The following CLASP2 variants were observed in gnomAD, a reference collection of about 807,000 sequenced individuals.
CLASP2 encodes CLIP-associating protein 2.
A neutral mutation model predicts 194.4 loss-of-function variants in CLASP2; 47 were observed. The observed-to-expected ratio is 0.24, with a 90% CI of 0.19 to 0.31. The LOEUF (loss-of-function observed/expected upper bound fraction) is 0.31, where lower values mean the gene tolerates loss of function less well. Ranked by LOEUF, CLASP2 falls within the 10% of genes least tolerant of loss-of-function variation. The pLI, the probability that CLASP2 is intolerant of heterozygous loss-of-function variation, is 1.00. For synonymous variants in CLASP2, 619 were observed against 633.5 expected (o/e 0.98, Z 0.34); for missense variants, 1,445 against 1,823.6 (o/e 0.79, Z 3.78).
At chr3:33,714,157 C>T (rs1036620347) in intron 1 of CLASP2, among the ~76,000 whole-genome samples, 12 of 152,142 alleles carry the variant, frequency 7.9e-5, no homozygotes, top group African/African-American at 2.9e-4. Context: ...GTGCCTGGTA[C>T]TCACTAAGGA....
chr3:33,562,519 GA>G (rs745593111), intron 27 of CLASP2, among the ~76,000 whole-genome samples: 11 of 152,160 alleles, frequency 7.2e-5, no homozygotes, highest in Non-Finnish European at 1.5e-4. Flanking sequence ...AAATATTCAG[GA>G]ATCTTGTGAA....
At position 33,603,006 on chromosome 3, in the gene CLASP2, G is replaced by T. The variant is rs765812212; in HGVS notation, c.1870C>A (p.Arg624=). The T allele has an allele frequency of 6.2e-7, 1 of 1,610,184 alleles. No individual in the cohort carries two copies. The highest frequency in any genetic ancestry group is 2.2e-5 in the East Asian group (1 of 44,782). The change falls in exon 18 of 39, where the codon CGA becomes AGA. Residue 624 remains arginine (R), a synonymous_variant. Coordinates refer to ENST00000682230, the MANE Select transcript of CLASP2 (RefSeq NM_001365631.1). ...KAHHAAGQSV[R]SGRLGAGALN... The stretch of plus-strand genomic sequence containing the variant: ...GCACCTGCACCTAAGCGCCCGCTTC[G>T]CACAGACTGTCCAGCAGCATGATGT...
At chr3:33,635,051 G>C (rs1001371963) in intron 8 of CLASP2, among the ~76,000 whole-genome samples, 4 of 151,758 alleles carry the variant, frequency 2.6e-5, no homozygotes, top group Non-Finnish European at 5.9e-5. Flanking sequence ...CAGGAATTTG[G>C]GACCAGCCTG....
chr3:33,670,955 T>C (rs1223438426), intron 6 of CLASP2, among the ~76,000 whole-genome samples: 2 of 152,198 alleles, frequency 1.3e-5, no homozygotes, highest in Non-Finnish European at 2.9e-5. Context: ...TAAGTGAAAC[T>C]ATTTAATTAG....
In CLASP2 at chr3:33,671,061, G is replaced by A. The variant is rs185063502; in HGVS notation, c.645-7546C>T. On this transcript the variant is annotated intron_variant, in intron 6 of 38. Coordinates refer to ENST00000682230, the MANE Select transcript of CLASP2 (RefSeq NM_001365631.1). ...TTCCACGTGGAGAAATGGAAATCCC[G>A]AACTCCAGTCTCCTATACCCTTCCA... Among the ~76,000 whole-genome samples, 851 of 151,894 alleles carry A rather than the reference G, an allele frequency of 5.6e-3. 3 individuals are homozygous for A. The highest frequency in any genetic ancestry group is 8.9e-3 in the Non-Finnish European group (608 of 67,954).
In CLASP2 at chr3:33,501,982, A is replaced by G. The variant is rs368046025; in HGVS notation, c.4318-214T>C. 23 of 443,634 alleles carry G rather than the reference A, an allele frequency of 5.2e-5. No individual in the cohort carries two copies. In the East Asian group the frequency reaches 5.6e-4, roughly 11 times the overall value. The allele number at this position is 443,634 out of a possible 1,614,324, so 27.5% of individuals were successfully genotyped here. Reference sequence around the variant, plus strand: ...ACTGCGCCCTCACTGTTAGCCCTCTATATCAGGTTCTTACTTAGTCTGGAA... The same window carrying G: ...ACTGCGCCCTCACTGTTAGCCCTCTGTATCAGGTTCTTACTTAGTCTGGAA... On this transcript the variant is annotated intron_variant, in intron 37 of 38. Coordinates refer to ENST00000682230, the MANE Select transcript of CLASP2 (RefSeq NM_001365631.1).
chr3:33,551,304 A>G lies in CLASP2; in HGVS notation c.3101T>C (p.Val1034Ala). Residue 1034 changes from valine to alanine, a missense_variant, in exon 30 of 39, where the codon GTG (valine) becomes GCG (alanine). Transcript: ENST00000682230. ...TGTTGTCCAAGTGATGACCCGAGAC[A>G]CTGCTAGGCGAGTTTCACTGGAATT... ...FINSSETRLA[V>A]SRVITWTTEP... is the part of the protein sequence containing the mutation. 6.2e-7 allele frequency: 1 copy of G among 1,613,834 alleles called. No homozygotes were observed. The highest frequency in any genetic ancestry group is 8.5e-7 in the Non-Finnish European group (1 of 1,179,810).
chr3:33,533,507 A>T (rs1277033599), intron 34 of CLASP2, among the ~76,000 whole-genome samples: 1 of 152,246 alleles, frequency 6.6e-6, no homozygotes, highest in African/African-American at 2.4e-5. Flanking sequence ...TCTAATATTT[A>T]ATTCCTCAAT....
At chr3:33,513,608 A>T (rs892183610) in intron 36 of CLASP2, among the ~76,000 whole-genome samples, 3 of 152,246 alleles carry the variant, frequency 2.0e-5, no homozygotes, top group Non-Finnish European at 4.4e-5. Flanking sequence ...AAAGAGTCAC[A>T]GTGAAATCTC....
At chr3:33,689,684 A>G (rs1284615982) in intron 3 of CLASP2, 145 bp downstream of exon 3, 1 of 515,532 alleles carries the variant, frequency 1.9e-6, no homozygotes, top group Non-Finnish European at 3.3e-6. Flanking sequence ...AAAGTCAAAC[A>G]TTGACACTGT....
At chr3:33,592,833 T>A (rs1369355313) in intron 20 of CLASP2, among the ~76,000 whole-genome samples, 2 of 152,210 alleles carry the variant, frequency 1.3e-5, no homozygotes, top group Non-Finnish European at 2.9e-5. Context: ...TCAGTTTCCA[T>A]GAAGTTCAGA....
chr3:33,664,180 C>A (rs951157609), intron 6 of CLASP2, among the ~76,000 whole-genome samples: 2 of 152,146 alleles, frequency 1.3e-5, no homozygotes, highest in African/African-American at 4.8e-5. Flanking sequence ...ACATTTCTAT[C>A]ATTCAGAGAA....
At chr3:33,502,595 C>T (rs1425273422) in intron 37 of CLASP2, 1 of 152,174 alleles carries the variant, frequency 6.6e-6, no homozygotes, top group Non-Finnish European at 1.5e-5. Context: ...CCATCTCTCC[C>T]ACTTACGCTT....
At chr3:33,608,293 C>G (rs1349734536) in intron 14 of CLASP2, among the ~76,000 whole-genome samples, 2 of 152,162 alleles carry the variant, frequency 1.3e-5, no homozygotes, top group Non-Finnish European at 2.9e-5. Flanking sequence ...ACTAGAGATA[C>G]ATTTTTAAAC....
intron 34 of CLASP2, among the ~76,000 whole-genome samples, chr3:33,525,291 G>A (rs1426111455): frequency 1.3e-5 from 2 of 152,104 alleles, no homozygotes; most frequent in Non-Finnish European, 2.9e-5. Flanking sequence ...CTATAAATGT[G>A]TTAACTTAAA....
intron 34 of CLASP2, among the ~76,000 whole-genome samples, chr3:33,526,536 A>G (rs1030159542): frequency 6.6e-6 from 1 of 152,212 alleles, no homozygotes; most frequent in African/African-American, 2.4e-5. Flanking sequence ...ACAGCAGGAG[A>G]CTTCAACACT....
intron 34 of CLASP2, among the ~76,000 whole-genome samples, chr3:33,524,655 A>AT (rs993564933): frequency 2.0e-5 from 3 of 152,142 alleles, no homozygotes; most frequent in African/African-American, 7.2e-5. Context: ...CTGTCTTAGG[A>AT]TAAAAAAAAG....
At chr3:33,536,190 T>A (rs1437366004) in intron 33 of CLASP2, among the ~76,000 whole-genome samples, 1 of 151,082 alleles carries the variant, frequency 6.6e-6, no homozygotes, top group African/African-American at 2.4e-5. Context: ...TGGGAATACA[T>A]CAGTGAGCAA....
intron 17 of CLASP2, among the ~76,000 whole-genome samples, chr3:33,603,905 G>T (rs548960475): frequency 6.6e-6 from 1 of 152,326 alleles, no homozygotes. Flanking sequence ...AGTGCGTCAT[G>T]AGAAGCATTA....
Sources: gnomAD v4.1 joint callset for allele counts (sites outside exome capture counted in the v4.1 genomes callset) on GRCh38, gnomAD v4.1.1 for gene constraint, MANE v1.5 for transcripts, NCBI Gene and HGNC (gene_info 2026-07-23, HGNC 2026-07-21) for gene names.